NOC2L: variants seen among roughly 807,000 people sequenced by gnomAD.
The protein encoded by NOC2L is nucleolar complex protein 2 homolog.
NOC2L carries 101 observed loss-of-function variants against 94.2 expected under a neutral mutation model. That is an observed-to-expected ratio of 1.07 (90% CI 0.91 to 1.26). NOC2L has a LOEUF of 1.26. Among genes scored for constraint, NOC2L ranks in the 50% most tolerant of loss-of-function variants. The probability of loss-of-function intolerance (pLI) is 0.00; values close to 1 mark genes in which losing one functional copy is unlikely to be tolerated. For missense variants in NOC2L, 1,076 were observed against 980.1 expected, an observed-to-expected ratio of 1.10 and a Z score of -1.31; for synonymous variants, 531 against 413.4, an observed-to-expected ratio of 1.28 and a Z score of -3.45.
At position 953,796 on chromosome 1, in the gene NOC2L, G is replaced by C; in HGVS notation, c.874C>G (p.Arg292Gly). The change falls in exon 8 of 19, where the codon CGC (arginine) becomes GGC (glycine). Residue 292 changes from arginine to glycine, a missense_variant. This residue lies in a region of NOC2L where 457 missense variants were observed against 386.0 expected (regional missense o/e 1.18). Transcript: ENST00000327044. Reference protein sequence around the residue: ...PCFLTFPKQCRMLLKRMVIVW... With the variant: ...PCFLTFPKQCGMLLKRMVIVW... ...GGGCCACGAACCTTGAGCAGCATGC[G>C]GCACTGCTTGGGGAAGGTCAGGAAG... The C allele has an allele frequency of 6.2e-7, 1 of 1,611,976 alleles. No individual in the cohort carries two copies. The highest frequency in any genetic ancestry group is 8.5e-7 in the Non-Finnish European group (1 of 1,179,422).
At chr1:953,310 T>C (rs766156910) in intron 8 of NOC2L, 22 bp from the exon 9 acceptor site, 1 of 1,429,132 alleles carries the variant, frequency 7.0e-7, no homozygotes, top group Non-Finnish European at 9.9e-7. Context: ...CAGACGTCAC[T>C]GGTGGCCCCC....
rs1170104394 is a variant in NOC2L at position 946,438 on chromosome 1, C to T, written c.1767G>A (p.Gln589=). 1 of 1,613,420 alleles carries T rather than the reference C, an allele frequency of 6.2e-7. No homozygotes were observed. The highest frequency in any genetic ancestry group is 8.5e-7 in the Non-Finnish European group (1 of 1,180,022). ...ENSAYICSRR[Q]RVSFGVSEQQ... ...GCTCAGAGACGCCGAAGGAAACCCT[C>T]TGGCGGCGGCTGCAGATGTATGCCG... Residue 589 remains glutamine (Q), a synonymous_variant, in exon 15 of 19, where the codon CAG becomes CAA. Transcript: ENST00000327044.
chr1:944,991 A>C (rs1642054171), intron 18 of NOC2L, 66 bp downstream of exon 18: 1 of 1,607,910 alleles, frequency 6.2e-7, no homozygotes. Context: ...CCCCCCGCCC[A>C]CGTGGCTCTG....
chr1:947,720 T>C (rs1642151717), intron 14 of NOC2L, among the ~76,000 whole-genome samples: 1 of 152,154 alleles, frequency 6.6e-6, no homozygotes, highest in Non-Finnish European at 1.5e-5. Context: ...TGTGGGGTAT[T>C]TGGCGGGGCA....
intron 2 of NOC2L, chr1:957,501 G>A: frequency 1.8e-6 from 1 of 558,210 alleles, no homozygotes; most frequent in South Asian, 2.1e-5. Flanking sequence ...GACTTGCTGT[G>A]CCTGCGCCCT....
Position 953,231 on chromosome 1 carries a change from C to T in NOC2L, c.946G>A (p.Val316Ile), listed in dbSNP as rs1175376582. 13 of 1,613,460 alleles carry T rather than the reference C, an allele frequency of 8.1e-6. No homozygotes were observed. Among genetic ancestry groups the T allele is most frequent in the Non-Finnish European group, 1.1e-5 (13 of 1,179,748 alleles). ...EESLRVLAFL[V>I]LSRVCRHKKD... is the part of the protein sequence containing the mutation. ...TTGTGCCGGCAGACTCTGCTGAGGA[C>T]CAGGAAAGCCAGCACCCGCAGAGAC... The change falls in exon 9 of 19, where the codon GTC becomes ATC. Residue 316 changes from valine to isoleucine, a missense_variant. By Grantham distance (29) the Val-to-Ile change is conservative. Transcript: ENST00000327044.
chr1:953,077 C>G (rs1215195701), intron 9 of NOC2L, 98 bp downstream of exon 9: 3 of 775,556 alleles, frequency 3.9e-6, no homozygotes, highest in Non-Finnish European at 6.7e-6. Context: ...AGTGAGGGTC[C>G]AGTGAGGGGC....
At chr1:958,644 A>G (rs1642484718) in intron 2 of NOC2L, 3 of 633,462 alleles carry the variant, frequency 4.7e-6, no homozygotes, top group South Asian at 1.5e-5. Context: ...TCTCTCTTCT[A>G]CCGAACTGCA....
rs963122047 is a variant in NOC2L at position 952,578 on chromosome 1, C to T, written c.1025G>A (p.Arg342Lys). 12 of 1,613,698 alleles carry T rather than the reference C, an allele frequency of 7.4e-6. No individual in the cohort carries two copies. The highest frequency in any genetic ancestry group is 1.3e-5 in the African/African-American group (1 of 74,928). Residue 342 changes from arginine to lysine, a missense_variant, in exon 10 of 19, where the codon AGG becomes AAG. This residue lies in a region of NOC2L where 615 missense variants were observed against 577.4 expected (regional missense o/e 1.07). Coordinates refer to ENST00000327044, the MANE Select transcript of NOC2L (RefSeq NM_015658.4). Reference sequence around the variant, plus strand: ...ACCAGGCGAGGTGAACTTGCAGTTCCTCACATACGTGATGTACATTTGCTG... The same window carrying T: ...ACCAGGCGAGGTGAACTTGCAGTTCTTCACATACGTGATGTACATTTGCTG... ...VLKQMYITYV[R>K]NCKFTSPGAL...
chr1:950,543 G>A (rs767383266), intron 12 of NOC2L, among the ~76,000 whole-genome samples: 8 of 151,334 alleles, frequency 5.3e-5, no homozygotes, highest in Non-Finnish European at 8.8e-5. Context: ...ACACGCAAAG[G>A]TACACACATG....
At chr1:950,313 G>A (rs914602806) in intron 12 of NOC2L, among the ~76,000 whole-genome samples, 31 of 151,778 alleles carry the variant, frequency 2.0e-4, no homozygotes, top group South Asian at 1.2e-3. Flanking sequence ...ATAGATGCAC[G>A]CAGACACACA....
intron 12 of NOC2L, among the ~76,000 whole-genome samples, chr1:949,718 G>A (rs146989353): frequency 2.6e-5 from 4 of 152,298 alleles, no homozygotes; most frequent in African/African-American, 9.6e-5. Flanking sequence ...AGAGCTGGAG[G>A]CCCACAGACA....
chr1:955,851 G>A lies in NOC2L; in HGVS notation c.698+72C>T. The A allele has an allele frequency of 1.6e-6, 2 of 1,279,162 alleles. 1 individual carries two copies. Among genetic ancestry groups the A allele is most frequent in the South Asian group, 2.5e-5 (2 of 81,068 alleles). 79.2% of individuals were successfully genotyped at this position (1,279,162 alleles called of 1,614,324 possible). On this transcript the variant is annotated intron_variant, in intron 6 of 18. Coordinates refer to ENST00000327044, the MANE Select transcript of NOC2L (RefSeq NM_015658.4). ...GCCATGTCTCTGTCCTAGCCACAAG[G>A]CCTCTGGCTTCTCCTGTGTGTGGTC...
chr1:952,690 T>C, intron 9 of NOC2L, 90 bp from the exon 10 acceptor site: 1 of 1,316,170 alleles, frequency 7.6e-7, no homozygotes, highest in Middle Eastern at 1.8e-4. Flanking sequence ...CCTGGGCCTT[T>C]CCCTCAGAGC....
At chr1:950,261 GCA>G (rs1289465752) in intron 12 of NOC2L, among the ~76,000 whole-genome samples, 1 of 151,530 alleles carries the variant, frequency 6.6e-6, no homozygotes, top group African/African-American at 2.4e-5. Flanking sequence ...GCACACAAGT[GCA>G]CACAGACACG....
At chr1:950,193 T>C (rs1347768615) in intron 12 of NOC2L, among the ~76,000 whole-genome samples, 1 of 146,126 alleles carries the variant, frequency 6.8e-6, no homozygotes, top group East Asian at 2.1e-4. Context: ...TGCACCCAAG[T>C]GTACAGGTAC....
At position 955,911 on chromosome 1, in the gene NOC2L, C is replaced by G; in HGVS notation, c.698+12G>C. The G allele has an allele frequency of 6.2e-7, 1 of 1,609,074 alleles. No individual in the cohort carries two copies. The highest frequency in any genetic ancestry group is 8.5e-7 in the Non-Finnish European group (1 of 1,175,504). On this transcript the variant is annotated intron_variant, in intron 6 of 18. Transcript: ENST00000327044. ...CTTCCACCCTACCCCCCTTCACCCC[C>G]TCCCCTCTTACCTGCTGCTATCCTT...
At chr1:954,370 CCT>C in intron 6 of NOC2L, 1 of 415,102 alleles carries the variant, frequency 2.4e-6, no homozygotes, top group Non-Finnish European at 4.3e-6. Context: ...CCTCCAACTC[CCT>C]CTCAGACATA....
chr1:953,206 TTG>T lies in NOC2L; in HGVS notation c.969_970del (p.His323GlnfsTer274). 6.2e-7 allele frequency: 1 copy of T among 1,613,442 alleles called. No individual in the cohort carries two copies. The highest frequency in any genetic ancestry group is 1.1e-5 in the South Asian group (1 of 91,084). The stretch of plus-strand genomic sequence containing the variant: ...GACGGGGCCAAGGAAAGTGTCCTTC[TTG>T]TGCCGGCAGACTCTGCTGAGGACCA... On this transcript the variant is annotated frameshift_variant, in exon 9 of 19. Transcript: ENST00000327044. LOFTEE classifies it high-confidence loss of function.
Sources: allele counts gnomAD v4.1 joint callset (sites outside exome capture counted in the v4.1 genomes callset), GRCh38; gene constraint gnomAD v4.1.1; regional missense constraint gnomAD v4.1.1; transcripts MANE v1.5; gene names NCBI Gene and HGNC (gene_info 2026-07-23, HGNC 2026-07-21).